Variants in PARVB observed in about 807,000 individuals in gnomAD.
PARVB encodes the protein beta-parvin.
PARVB carries 46 observed loss-of-function variants against 47.0 expected under a neutral mutation model. That is an observed-to-expected ratio of 0.98 (90% CI 0.77 to 1.25). The LOEUF is 1.25. PARVB is among the 50% of genes most tolerant of loss of function. The pLI is 0.00. For synonymous variants in PARVB, 196 were observed against 196.3 expected (o/e 1.00, Z 0.01); for missense variants, 473 against 471.6 (o/e 1.00, Z -0.03).
chr22:44,066,229 T>C (rs1396811116), intron 1 of PARVB, among the ~76,000 whole-genome samples: 1 of 152,188 alleles, frequency 6.6e-6, no homozygotes, highest in Non-Finnish European at 1.5e-5. Flanking sequence ...AGTGCTTTGT[T>C]TTTAGTGATG....
intron 1 of PARVB, among the ~76,000 whole-genome samples, chr22:44,036,187 G>A (rs908876943): frequency 6.6e-6 from 1 of 152,132 alleles, no homozygotes; most frequent in African/African-American, 2.4e-5. Context: ...AACCCAGGAG[G>A]CAGACATTGC....
In PARVB at chr22:44,069,148, G is replaced by A. The variant is rs2051597765; in HGVS notation, c.113-24780G>A. 4 of 1,612,404 alleles carry A rather than the reference G, an allele frequency of 2.5e-6. No homozygotes were observed. In the South Asian group the frequency reaches 4.4e-5, roughly 18 times the overall value. ...CTGGTCTGCAGAGCTGCCGCCAGCT[G>A]CACCCTCCTCGCCAGTGAGTTCTGT... On this transcript the variant is annotated intron_variant, in intron 1 of 12. Transcript: ENST00000338758.
chr22:44,061,894 G>C (rs1271221680), intron 1 of PARVB, among the ~76,000 whole-genome samples: 14 of 152,180 alleles, frequency 9.2e-5, no homozygotes, highest in Admixed American at 9.2e-4. Context: ...TGGGATTACA[G>C]GTGTGAGCCA....
chr22:44,083,975 G>C (rs1448145287), intron 1 of PARVB, among the ~76,000 whole-genome samples: 1 of 152,204 alleles, frequency 6.6e-6, no homozygotes, highest in Non-Finnish European at 1.5e-5. Flanking sequence ...TGTGGGGTTG[G>C]ATGGCCTCAG....
At chr22:44,108,678 A>C (rs1239972922) in intron 3 of PARVB, 1 of 152,164 alleles carries the variant, frequency 6.6e-6, no homozygotes, top group Non-Finnish European at 1.5e-5. Flanking sequence ...TGGATCTCAC[A>C]AAGTACATTC....
At position 44,009,888 on chromosome 22, in the gene PARVB, A is replaced by C. The variant is rs963112090; in HGVS notation, c.211+10215A>C. 2.7e-5 allele frequency among the ~76,000 whole-genome samples: 4 copies of C among 150,878 alleles called. No homozygotes were observed. The East Asian group carries it at 5.9e-4, about 22-fold the overall frequency. ...GGCGGCGTGATCTCAGCTCACTGCAACCTCTGCCTCCTGGGTTCAAGCAAT... is the reference window on the plus strand; with the variant it reads ...GGCGGCGTGATCTCAGCTCACTGCACCCTCTGCCTCCTGGGTTCAAGCAAT... On this transcript the variant is annotated intron_variant, in intron 2 of 13. Transcript: ENST00000406477.
chr22:44,063,635 T>C (rs921015906), intron 1 of PARVB, among the ~76,000 whole-genome samples: 1 of 151,878 alleles, frequency 6.6e-6, no homozygotes, highest in Admixed American at 6.6e-5. Context: ...GTGGGGTTAG[T>C]GGGGTTGGGG....
intron 2 of PARVB, among the ~76,000 whole-genome samples, chr22:44,005,092 T>A (rs1053709114): frequency 2.6e-5 from 4 of 152,074 alleles, no homozygotes; most frequent in African/African-American, 9.7e-5. Flanking sequence ...ATTAAAAAAA[T>A]TTTATAGTTT....
intron 1 of PARVB, among the ~76,000 whole-genome samples, chr22:44,029,943 G>C (rs1353957575): frequency 1.3e-5 from 2 of 152,132 alleles, no homozygotes; most frequent in Non-Finnish European, 2.9e-5. Flanking sequence ...AAATCACTAG[G>C]TAGCTGCGAC....
At chr22:44,001,154 G>A (rs1394521120) in intron 2 of PARVB, among the ~76,000 whole-genome samples, 13 of 152,216 alleles carry the variant, frequency 8.5e-5, no homozygotes, top group Non-Finnish European at 1.8e-4. Flanking sequence ...GGAGGCTGAG[G>A]CAGGAGAATG....
chr22:44,056,559 A>G (rs1362617181), intron 1 of PARVB, among the ~76,000 whole-genome samples: 1 of 152,056 alleles, frequency 6.6e-6, no homozygotes, highest in Non-Finnish European at 1.5e-5. Flanking sequence ...AGGCTGGTGT[A>G]CAGTGGTGCA....
chr22:44,147,695 A>T (rs2053715879), intron 8 of PARVB, 166 bp from the exon 9 acceptor site: 1 of 766,336 alleles, frequency 1.3e-6, no homozygotes. Context: ...GGGACTGATC[A>T]TCAGGGTCAG....
At position 44,125,475 on chromosome 22, in the gene PARVB, G is replaced by T. The variant is rs1483049970; in HGVS notation, c.377-6012G>T. On this transcript the variant is annotated intron_variant, in intron 4 of 12. Coordinates refer to ENST00000338758, the MANE Select transcript of PARVB (RefSeq NM_013327.5). This position sits in a 1 kb window ranked among gnomAD's most constrained non-coding sequence, Gnocchi z 4.1. ...AAGGTTATGGGGTACAGTGGTGGGTGGGGGTTGGGGAAGGCAATCCAGGGA... is the reference window on the plus strand; with the variant it reads ...AAGGTTATGGGGTACAGTGGTGGGTTGGGGTTGGGGAAGGCAATCCAGGGA... Among the ~76,000 whole-genome samples the T allele has an allele frequency of 1.3e-5, 2 of 152,204 alleles. No individual in the cohort carries two copies. The highest frequency in any genetic ancestry group is 2.9e-5 in the Non-Finnish European group (2 of 68,032).
At chr22:44,081,057 A>C (rs1174680619) in intron 1 of PARVB, among the ~76,000 whole-genome samples, 2 of 152,116 alleles carry the variant, frequency 1.3e-5, no homozygotes, top group African/African-American at 2.4e-5. Flanking sequence ...TGTTCCTCCA[A>C]AGGTGCAGTC....
Position 44,147,830 on chromosome 22 carries a change from C to G in PARVB, c.713-31C>G, listed in dbSNP as rs370472472. ...GCAGCACCACGGGTTTCCATAAACG[C>G]TCCTTCGTGTCTCTCTTTGCATGTC... On this transcript the variant is annotated intron_variant, in intron 8 of 12. Transcript: ENST00000338758. 4 of 1,606,856 alleles carry G rather than the reference C, an allele frequency of 2.5e-6. No individual in the cohort carries two copies. In the African/African-American group the frequency reaches 5.3e-5, roughly 21 times the overall value.
At chr22:44,162,543 A>G (rs988092684) in intron 11 of PARVB, among the ~76,000 whole-genome samples, 10 of 152,200 alleles carry the variant, frequency 6.6e-5, no homozygotes, top group Admixed American at 3.3e-4. Flanking sequence ...CTGGTCTCGA[A>G]TGCCTGACTT....
chr22:43,999,544 G>A (rs1490716802), exon 2 of PARVB: 2 of 1,585,418 alleles, frequency 1.3e-6, no homozygotes, highest in African/African-American at 1.3e-5. Flanking sequence ...CAGGAGGCTG[G>A]AGCTGAGACG....
In PARVB at chr22:44,172,565, C is replaced by T. The variant is rs1465599955; in HGVS notation, c.*3887C>T. On this transcript the variant is annotated 3_prime_UTR_variant, in exon 13 of 13. Coordinates refer to ENST00000338758, the MANE Select transcript of PARVB (RefSeq NM_013327.5). Reference sequence around the variant, plus strand: ...TCCCGCAGCTTCAGTTCCCCTTTGACGCCCACACAGTGTTATGCAAGCACC... The same window carrying T: ...TCCCGCAGCTTCAGTTCCCCTTTGATGCCCACACAGTGTTATGCAAGCACC... 3 of 172,112 alleles carry T rather than the reference C, an allele frequency of 1.7e-5. No individual in the cohort carries two copies. Among genetic ancestry groups the T allele is most frequent in the East Asian group, 1.8e-4 (1 of 5,506 alleles). 10.7% of individuals were successfully genotyped at this position (172,112 alleles called of 1,614,324 possible). A position where few individuals can be genotyped will look rare whatever the true frequency, so the allele number is the denominator to read the frequency against.
chr22:44,160,668 G>A (rs111449417), intron 11 of PARVB, among the ~76,000 whole-genome samples: 2 of 152,176 alleles, frequency 1.3e-5, no homozygotes, highest in Non-Finnish European at 2.9e-5. Context: ...AGAGATAACA[G>A]GCATGGGAGG....
Sources: gnomAD v4.1 joint callset for allele counts (sites outside exome capture counted in the v4.1 genomes callset) on GRCh38, gnomAD v4.1.1 for gene constraint, Gnocchi (gnomAD v3.1) non-coding constraint, MANE v1.5 for transcripts, NCBI Gene and HGNC (gene_info 2026-07-23, HGNC 2026-07-21) for gene names.